The following DNAH12 variants were observed in gnomAD, a reference collection of about 807,000 sequenced individuals.
DNAH12 encodes the protein dynein axonemal heavy chain 12, also known as axonemal beta dynein heavy chain 12.
In DNAH12, 285 loss-of-function variants were observed where a neutral mutation model predicts 371.5. That is an observed-to-expected ratio of 0.77 (90% confidence interval 0.70 to 0.85). DNAH12 has a LOEUF of 0.85. Among genes scored for constraint, DNAH12 ranks in the 40% least tolerant of loss-of-function variants. The pLI is 0.00. For missense variants in DNAH12, 3,611 were observed against 3,689.4 expected, an observed-to-expected ratio of 0.98 and a Z score of 0.55; for synonymous variants, 1,200 against 1,213.0, an observed-to-expected ratio of 0.99 and a Z score of 0.22.
In DNAH12 at chr3:57,310,769, T is replaced by A; in HGVS notation, c.10844A>T (p.Asn3615Ile). 1.9e-6 allele frequency: 3 copies of A among 1,551,648 alleles called. No homozygotes were observed. Among genetic ancestry groups the A allele is most frequent in the Non-Finnish European group, 2.6e-6 (3 of 1,146,962 alleles). ...NPHYKFSPSG[N>I]YFAPPKGTYE... ...AGTGCCTTTAGGAGGTGCAAAATAG[T>A]TTCCACTGGGAGAAAACTTATAATG... Residue 3615 changes from asparagine (N) to isoleucine (I), a missense_variant, in exon 67 of 74, where the codon AAC (asparagine) becomes ATC (isoleucine). Physicochemically the swap from Asn to Ile is moderately radical, Grantham distance 149 (BLOSUM62 -3). Transcript: ENST00000495027.
intron 60 of DNAH12, among the ~76,000 whole-genome samples, chr3:57,339,342 C>T (rs1553655283): frequency 1.3e-5 from 2 of 151,078 alleles, no homozygotes; most frequent in South Asian, 2.1e-4. Flanking sequence ...TGCCACATCC[C>T]CCTCTCCGAG....
chr3:57,330,358 A>G (rs1456784854), intron 62 of DNAH12, among the ~76,000 whole-genome samples: 2 of 152,056 alleles, frequency 1.3e-5, no homozygotes, highest in African/African-American at 4.8e-5. Flanking sequence ...TGTGGCACAT[A>G]TACACCATAG....
At chr3:57,448,740 A>C (rs2065632966) in intron 25 of DNAH12, among the ~76,000 whole-genome samples, 2 of 123,514 alleles carry the variant, frequency 1.6e-5, no homozygotes, top group African/African-American at 5.1e-5. Context: ...ACAATCCCTG[A>C]GCTAGATACA....
At chr3:57,306,658 C>T (rs950922183) in intron 69 of DNAH12, among the ~76,000 whole-genome samples, 2 of 152,184 alleles carry the variant, frequency 1.3e-5, no homozygotes, top group Admixed American at 6.5e-5. Context: ...ACCCTTACCC[C>T]GCATAATGCC....
rs1377663311 is a variant in DNAH12 at position 57,520,073 on chromosome 3, T to C, written c.279+3510A>G. On this transcript the variant is annotated intron_variant, in intron 4 of 73. Transcript: ENST00000495027. ...GGAAAGCCGGAGGCTGTGGCGGCTC[T>C]GTGGCTACAGCGTTACCTTATCTTT... 26 of 505,376 alleles carry C rather than the reference T, an allele frequency of 5.1e-5. 1 individual carries two copies. Among genetic ancestry groups the C allele is most frequent in the South Asian group, 5.1e-4 (24 of 47,212 alleles). The allele number at this position is 505,376 out of a possible 1,614,324, so 31.3% of individuals were successfully genotyped here. A position where few individuals can be genotyped will look rare whatever the true frequency, so the allele number is the denominator to read the frequency against.
rs1380735316 is a variant in DNAH12, at chr3:57,391,865, T to A, written c.7305+7A>T. The A allele has an allele frequency of 6.5e-6, 1 of 152,906 alleles. No homozygotes were observed. The highest frequency in any genetic ancestry group is 1.5e-5 in the Non-Finnish European group (1 of 68,050). The allele number at this position is 152,906 out of a possible 1,614,324, so 9.5% of individuals were successfully genotyped here. ...GCCTCCCCCTCCAACCAAGAAAAAT[T>A]ACAAACCTGAAACCAGTCAATGGTA... On this transcript the variant is annotated splice_region_variant and intron_variant, in intron 45 of 73. Coordinates refer to ENST00000495027, the MANE Select transcript of DNAH12 (RefSeq NM_001366028.2).
intron 39 of DNAH12, among the ~76,000 whole-genome samples, chr3:57,410,708 T>C (rs181232456): frequency 2.1e-4 from 32 of 151,922 alleles, no homozygotes; most frequent in Admixed American, 1.8e-3. Context: ...CCCAGCTACT[T>C]GGGAGGCTAG....
At position 57,293,735 on chromosome 3, in the gene DNAH12, GT is replaced by G. The variant is rs370335542; in HGVS notation, c.*45del. 96,216 of 964,456 alleles carry G rather than the reference GT, an allele frequency of 0.1. 608 individuals are homozygous for G. Among genetic ancestry groups the G allele is most frequent in the African/African-American group, 0.19 (11,609 of 60,028 alleles). The allele number at this position is 964,456 out of a possible 1,614,324, so 59.7% of individuals were successfully genotyped here. Reference sequence around the variant, plus strand: ...AATGTATATATTTTAAGTAGGACAGGTTTTTTTTTTTTTAAACTTTTGGATG... The same window carrying G: ...AATGTATATATTTTAAGTAGGACAGGTTTTTTTTTTTTAAACTTTTGGATG... On this transcript the variant is annotated 3_prime_UTR_variant, in exon 74 of 74. Coordinates refer to ENST00000495027, the MANE Select transcript of DNAH12 (RefSeq NM_001366028.2).
At chr3:57,323,845 A>G (rs1005847278) in intron 62 of DNAH12, among the ~76,000 whole-genome samples, 7 of 152,238 alleles carry the variant, frequency 4.6e-5, no homozygotes, top group African/African-American at 1.7e-4. Flanking sequence ...TGCTTAGAGA[A>G]AATCAAGTAC....
chr3:57,434,094 A>C (rs2065044323), intron 30 of DNAH12, among the ~76,000 whole-genome samples: 1 of 152,160 alleles, frequency 6.6e-6, no homozygotes, highest in Non-Finnish European at 1.5e-5. Context: ...GTGTACTCTT[A>C]AAAAAACTAA....
At chr3:57,369,499 A>G (rs2063126453) in intron 55 of DNAH12, among the ~76,000 whole-genome samples, 1 of 151,700 alleles carries the variant, frequency 6.6e-6, no homozygotes, top group African/African-American at 2.4e-5. Flanking sequence ...TTATTCTCAA[A>G]TAACTGTGTT....
upstream of DNAH12, among the ~76,000 whole-genome samples, chr3:57,548,019 C>T (rs1395641853): frequency 3.3e-5 from 5 of 152,282 alleles, no homozygotes; most frequent in East Asian, 9.6e-4. Flanking sequence ...AAGCAATTTA[C>T]TACGAACAAC....
intron 57 of DNAH12, among the ~76,000 whole-genome samples, chr3:57,366,135 G>A (rs1460314898): frequency 6.6e-6 from 1 of 152,120 alleles, no homozygotes; most frequent in African/African-American, 2.4e-5. Context: ...ACAGATTACA[G>A]TAAAGAAGCT....
At chr3:57,356,665 AAAC>A (rs1373033559) in intron 59 of DNAH12, among the ~76,000 whole-genome samples, 6 of 152,088 alleles carry the variant, frequency 3.9e-5, no homozygotes, top group Non-Finnish European at 8.8e-5. Context: ...AGTAGGAGTG[AAAC>A]AACAACTTAA....
chr3:57,330,946 A>G (rs1243187956), intron 62 of DNAH12, among the ~76,000 whole-genome samples: 2 of 152,104 alleles, frequency 1.3e-5, no homozygotes, highest in Non-Finnish European at 2.9e-5. Context: ...TTCTCTGGAG[A>G]ACAGAGGGAA....
At chr3:57,523,918 A>G in intron 2 of DNAH12, 34 bp from the exon 3 acceptor site, 1 of 1,435,720 alleles carries the variant, frequency 7.0e-7, no homozygotes, top group Non-Finnish European at 9.6e-7. Context: ...GACTCTCTTG[A>G]TAACATTAGC....
At chr3:57,428,284 C>T (rs1401748193) in intron 34 of DNAH12, 3 of 935,614 alleles carry the variant, frequency 3.2e-6, no homozygotes, top group African/African-American at 1.8e-5. Context: ...GAAGCTAATA[C>T]AATATGTAAA....
At chr3:57,449,548 T>C (rs2065676731) in intron 25 of DNAH12, among the ~76,000 whole-genome samples, 1 of 152,198 alleles carries the variant, frequency 6.6e-6, no homozygotes, top group Non-Finnish European at 1.5e-5. Flanking sequence ...GGGCTGGCAC[T>C]GCTGGGGGAC....
At chr3:57,540,205 G>A (rs2084356) in intron 2 of DNAH12, among the ~76,000 whole-genome samples, 8 of 152,074 alleles carry the variant, frequency 5.3e-5, no homozygotes, top group Non-Finnish European at 1.2e-4. Context: ...TGCCCGCCAA[G>A]ACGCCTGGCT....
Sources: allele counts gnomAD v4.1 joint callset (sites outside exome capture counted in the v4.1 genomes callset), GRCh38; gene constraint gnomAD v4.1.1; transcripts MANE v1.5; gene names NCBI Gene and HGNC (gene_info 2026-07-23, HGNC 2026-07-21).